The following LEF1 variants were observed in gnomAD, a reference collection of about 807,000 sequenced individuals.
LEF1 encodes lymphoid enhancer binding factor 1, also known as lymphoid enhancer-binding factor 1.
In LEF1, 14 loss-of-function variants were observed where a neutral mutation model predicts 51.2. The ratio of observed to expected loss-of-function variants is 0.27; its 90% CI spans 0.18 to 0.43. The LOEUF (loss-of-function observed/expected upper bound fraction) is 0.43, where lower values mean the gene tolerates loss of function less well. Among genes scored for constraint, LEF1 ranks in the 20% least tolerant of loss-of-function variants. The pLI is 1.00. For missense variants in LEF1, 386 were observed against 512.0 expected, an observed-to-expected ratio of 0.75 and a Z score of 2.37; for synonymous variants, 185 against 183.2, an observed-to-expected ratio of 1.01 and a Z score of -0.08.
intron 3 of LEF1, among the ~76,000 whole-genome samples, chr4:108,091,638 T>C (rs1272065279): frequency 6.6e-6 from 1 of 152,162 alleles, no homozygotes; most frequent in African/African-American, 2.4e-5. Context: ...TCTACACACC[T>C]CAGCACAAAC....
intron 3 of LEF1, among the ~76,000 whole-genome samples, chr4:108,142,664 T>C (rs1743742943): frequency 6.6e-6 from 1 of 152,226 alleles, no homozygotes; most frequent in African/African-American, 2.4e-5. Context: ...TGGTGCTACA[T>C]ATAGTGTTAC....
intron 2 of LEF1, among the ~76,000 whole-genome samples, chr4:108,164,726 G>A (rs1169307918): frequency 6.6e-6 from 1 of 152,092 alleles, no homozygotes; most frequent in South Asian, 2.1e-4. Flanking sequence ...AACTATTCTG[G>A]TTGGAAAATA....
At chr4:108,051,588 C>T (rs1168006246) in intron 11 of LEF1, among the ~76,000 whole-genome samples, 1 of 152,186 alleles carries the variant, frequency 6.6e-6, no homozygotes, top group Non-Finnish European at 1.5e-5. Flanking sequence ...CCAGCAATTA[C>T]TGCTCTCCGG....
intron 3 of LEF1, among the ~76,000 whole-genome samples, chr4:108,114,015 TG>T (rs1160388324): frequency 2.6e-5 from 4 of 152,174 alleles, no homozygotes; most frequent in Non-Finnish European, 5.9e-5. Flanking sequence ...AAGGCAAGTA[TG>T]TTATAGAAAA....
At chr4:108,074,831 G>A (rs1305793931) in intron 8 of LEF1, among the ~76,000 whole-genome samples, 1 of 152,178 alleles carries the variant, frequency 6.6e-6, no homozygotes, top group African/African-American at 2.4e-5. Context: ...AGCAATTGTT[G>A]GAAATGTGCA....
chr4:108,159,616 C>A (rs937175389), intron 3 of LEF1, among the ~76,000 whole-genome samples: 1 of 152,150 alleles, frequency 6.6e-6, no homozygotes, highest in Admixed American at 6.5e-5. Context: ...TTAGACAAGT[C>A]CAACTTAGTT....
In LEF1 at chr4:108,165,078, A is replaced by C; in HGVS notation, c.280+19T>G. On this transcript the variant is annotated intron_variant, in intron 2 of 11. Coordinates refer to ENST00000265165, the MANE Select transcript of LEF1 (RefSeq NM_016269.5). ...CCCCTTATCTGCTAAAGTCAGAAGA[A>C]GTAGAATGGGTGTCTTACCGTCATC... The C allele has an allele frequency of 6.2e-7, 1 of 1,611,738 alleles. No homozygotes were observed. The highest frequency in any genetic ancestry group is 8.5e-7 in the Non-Finnish European group (1 of 1,177,846).
intron 11 of LEF1, among the ~76,000 whole-genome samples, chr4:108,052,634 C>T (rs989660800): frequency 6.6e-6 from 1 of 152,126 alleles, no homozygotes; most frequent in Admixed American, 6.5e-5. Context: ...AGGAAGCAAG[C>T]GTGACAGAGC....
At chr4:108,130,233 G>C (rs778622623) in intron 3 of LEF1, among the ~76,000 whole-genome samples, 62 of 152,240 alleles carry the variant, frequency 4.1e-4, no homozygotes, top group Non-Finnish European at 6.8e-4. Context: ...CTGGTGACCA[G>C]AACCAGTTAT....
chr4:108,054,166 C>T (rs1405382364), intron 11 of LEF1, among the ~76,000 whole-genome samples: 3 of 152,168 alleles, frequency 2.0e-5, no homozygotes, highest in Non-Finnish European at 2.9e-5. Context: ...CTGGGTCCAT[C>T]GGTTACCACC....
At chr4:108,166,305 G>C (rs1173046752) in intron 1 of LEF1, 2 of 1,535,322 alleles carry the variant, frequency 1.3e-6, no homozygotes, top group Admixed American at 2.0e-5. Flanking sequence ...CAGATCTGAG[G>C]TGTTCTTAAA....
intron 3 of LEF1, among the ~76,000 whole-genome samples, chr4:108,109,730 G>C (rs911549689): frequency 6.6e-6 from 1 of 152,148 alleles, no homozygotes; most frequent in African/African-American, 2.4e-5. Context: ...TCAGGGTACT[G>C]AATAAGACAT....
chr4:108,127,820 T>G (rs916916570), intron 3 of LEF1, among the ~76,000 whole-genome samples: 1 of 152,130 alleles, frequency 6.6e-6, no homozygotes, highest in Non-Finnish European at 1.5e-5. Context: ...AACAGAAATT[T>G]AAGATCTGAA....
chr4:108,143,555 T>C (rs2110377939), intron 3 of LEF1, among the ~76,000 whole-genome samples: 1 of 152,332 alleles, frequency 6.6e-6, no homozygotes, highest in East Asian at 1.9e-4. Context: ...ATTCTATCAT[T>C]AGCCTTCTCT....
At chr4:108,091,295 T>C (rs2110271728) in intron 3 of LEF1, among the ~76,000 whole-genome samples, 1 of 152,224 alleles carries the variant, frequency 6.6e-6, no homozygotes, top group Non-Finnish European at 1.5e-5. Context: ...TTGAACTTAA[T>C]ATTTTTTACA....
chr4:108,050,854 A>G (rs1441151819), intron 11 of LEF1, among the ~76,000 whole-genome samples: 2 of 152,112 alleles, frequency 1.3e-5, no homozygotes, highest in African/African-American at 2.4e-5. Context: ...ACTGAGGTAC[A>G]GACAACTTCC....
At chr4:108,144,691 G>A (rs976506810) in intron 3 of LEF1, among the ~76,000 whole-genome samples, 5 of 151,922 alleles carry the variant, frequency 3.3e-5, no homozygotes, top group East Asian at 3.9e-4. Context: ...CCACAGGAGG[G>A]GTGAACAGGA....
intron 11 of LEF1, among the ~76,000 whole-genome samples, chr4:108,052,705 T>C (rs1737080245): frequency 6.6e-6 from 1 of 152,144 alleles, no homozygotes; most frequent in Non-Finnish European, 1.5e-5. Flanking sequence ...GACTGGCCCA[T>C]GGTGACCCCT....
chr4:108,088,443 A>G (rs972644961), intron 4 of LEF1, among the ~76,000 whole-genome samples: 5 of 152,244 alleles, frequency 3.3e-5, no homozygotes, highest in African/African-American at 1.2e-4. Flanking sequence ...GCCCTGAGTG[A>G]TGGGACCAGA....
Sources: gnomAD v4.1 joint callset for allele counts (sites outside exome capture counted in the v4.1 genomes callset) on GRCh38, gnomAD v4.1.1 for gene constraint, MANE v1.5 for transcripts, NCBI Gene and HGNC (gene_info 2026-07-23, HGNC 2026-07-21) for gene names.